Variants in ADARB2 observed in about 807,000 individuals in gnomAD.
ADARB2 encodes the protein inactive double-stranded RNA-specific editase B2.
In ADARB2, 25 loss-of-function variants were observed where a neutral mutation model predicts 62.2. The observed-to-expected ratio is 0.40, with a 90% CI of 0.29 to 0.56. ADARB2 has a LOEUF of 0.56. Ranked by LOEUF, ADARB2 falls within the 20% of genes least tolerant of loss-of-function variation. The pLI is 0.43. For synonymous variants in ADARB2, 572 were observed against 500.8 expected, an observed-to-expected ratio of 1.14 and a Z score of -1.90; for missense variants, 1,071 against 1,077.4, an observed-to-expected ratio of 0.99 and a Z score of 0.08.
intron 3 of ADARB2, among the ~76,000 whole-genome samples, chr10:1,358,662 T>C (rs1011333080): frequency 2.2e-4 from 30 of 136,444 alleles, no homozygotes; most frequent in Non-Finnish European, 4.6e-4. Context: ...CAAAGATTCT[T>C]TTAACATTTG....
intron 1 of ADARB2, among the ~76,000 whole-genome samples, chr10:1,650,323 G>A (rs955323071): frequency 6.6e-6 from 1 of 152,150 alleles, no homozygotes; most frequent in Admixed American, 6.5e-5. Context: ...GGTTTGCAAG[G>A]GGAGCCTCCT....
chr10:1,719,064 A>G (rs1835057073), intron 1 of ADARB2, among the ~76,000 whole-genome samples: 1 of 152,032 alleles, frequency 6.6e-6, no homozygotes, highest in Non-Finnish European at 1.5e-5. Flanking sequence ...AGGTTCAAGC[A>G]ATTCTCCCAC....
At chr10:1,417,924 A>G (rs953210610) in intron 1 of ADARB2, among the ~76,000 whole-genome samples, 12 of 152,220 alleles carry the variant, frequency 7.9e-5, no homozygotes, top group African/African-American at 2.9e-4. Context: ...GCATGGGGAA[A>G]ATGGCGGACA....
intron 3 of ADARB2, among the ~76,000 whole-genome samples, chr10:1,287,801 T>G (rs977000742): frequency 1.9e-4 from 29 of 152,186 alleles, no homozygotes; most frequent in African/African-American, 7.0e-4. Context: ...CATTCAAAGG[T>G]TAAGTTAGTG....
intron 1 of ADARB2, among the ~76,000 whole-genome samples, chr10:1,638,027 G>C (rs985600088): frequency 7.2e-5 from 11 of 152,194 alleles, no homozygotes; most frequent in African/African-American, 2.4e-4. Context: ...GTCTTGGGTG[G>C]CTGGGAGGAG....
intron 1 of ADARB2, among the ~76,000 whole-genome samples, chr10:1,638,497 T>A (rs1466397655): frequency 7.4e-6 from 1 of 135,570 alleles, no homozygotes; most frequent in Non-Finnish European, 1.7e-5. Context: ...ATTGTTCCAC[T>A]TTCATGAGGT....
chr10:1,658,948 A>AT (rs895706136), intron 1 of ADARB2, among the ~76,000 whole-genome samples: 6 of 152,138 alleles, frequency 3.9e-5, no homozygotes, highest in South Asian at 2.1e-4. Flanking sequence ...TCTGAGATTG[A>AT]TTTTTTCCCA....
intron 6 of ADARB2, among the ~76,000 whole-genome samples, chr10:1,218,962 A>G (rs1830657327): frequency 6.7e-6 from 1 of 150,272 alleles, no homozygotes; most frequent in Non-Finnish European, 1.5e-5. Flanking sequence ...AGGCAGGAGA[A>G]TGGCCTGAAC....
At chr10:1,303,659 A>T (rs1831596649) in intron 3 of ADARB2, among the ~76,000 whole-genome samples, 1 of 152,130 alleles carries the variant, frequency 6.6e-6, no homozygotes, top group African/African-American at 2.4e-5. Flanking sequence ...AGGGAAGCCC[A>T]TCAGACTAAC....
intron 8 of ADARB2, among the ~76,000 whole-genome samples, chr10:1,188,808 G>A (rs753608385): frequency 6.6e-6 from 1 of 152,206 alleles, no homozygotes; most frequent in Non-Finnish European, 1.5e-5. Context: ...GCTCATGTCA[G>A]TCTCACTATT....
At chr10:1,292,603 C>A (rs1261478685) in intron 3 of ADARB2, 1 of 152,192 alleles carries the variant, frequency 6.6e-6, no homozygotes, top group African/African-American at 2.4e-5. Context: ...AGTTCTGTCG[C>A]CATGAAATCT....
chr10:1,553,248 G>A (rs1832653985), intron 1 of ADARB2, among the ~76,000 whole-genome samples: 1 of 152,242 alleles, frequency 6.6e-6, no homozygotes, highest in Non-Finnish European at 1.5e-5. Flanking sequence ...ATTGACATCT[G>A]TAAGTCATAA....
At chr10:1,435,068 C>T (rs1269275676) in intron 1 of ADARB2, among the ~76,000 whole-genome samples, 2 of 152,212 alleles carry the variant, frequency 1.3e-5, no homozygotes, top group African/African-American at 2.4e-5. Flanking sequence ...AAGCACAGCA[C>T]GGACCTGGGT....
At chr10:1,568,461 G>A (rs1832886706) in intron 1 of ADARB2, among the ~76,000 whole-genome samples, 1 of 152,118 alleles carries the variant, frequency 6.6e-6, no homozygotes, top group Admixed American at 6.5e-5. Context: ...CTGCCCACGT[G>A]AACCCAGAAG....
At chr10:1,294,609 C>T (rs1054704889) in intron 3 of ADARB2, among the ~76,000 whole-genome samples, 3 of 152,178 alleles carry the variant, frequency 2.0e-5, no homozygotes, top group African/African-American at 7.2e-5. Flanking sequence ...ATGACTGTCT[C>T]GCTTCCCCCA....
chr10:1,607,838 G>T (rs557779426), intron 1 of ADARB2, among the ~76,000 whole-genome samples: 1 of 152,354 alleles, frequency 6.6e-6, no homozygotes, highest in Non-Finnish European at 1.5e-5. Flanking sequence ...TGGGCTTAGG[G>T]CATGGTCCTC....
intron 6 of ADARB2, among the ~76,000 whole-genome samples, chr10:1,223,207 GCTCT>G (rs1272882496): frequency 2.6e-5 from 4 of 151,880 alleles, no homozygotes; most frequent in South Asian, 2.1e-4. Flanking sequence ...TCATGATTTG[GCTCT>G]CTGTTTGTCT....
intron 1 of ADARB2, among the ~76,000 whole-genome samples, chr10:1,640,937 C>T (rs1308292326): frequency 6.6e-6 from 1 of 152,158 alleles, no homozygotes; most frequent in Non-Finnish European, 1.5e-5. Flanking sequence ...TGTGGTCTCA[C>T]TTGGCTACAA....
At chr10:1,610,495 G>C (rs771767817) in intron 1 of ADARB2, among the ~76,000 whole-genome samples, 1 of 152,194 alleles carries the variant, frequency 6.6e-6, no homozygotes, top group Non-Finnish European at 1.5e-5. Context: ...AGAAAGAAAA[G>C]CACTAGGCAC....
Sources: gnomAD v4.1 joint callset for allele counts (sites outside exome capture counted in the v4.1 genomes callset) on GRCh38, gnomAD v4.1.1 for gene constraint, MANE v1.5 for transcripts, NCBI Gene and HGNC (gene_info 2026-07-23, HGNC 2026-07-21) for gene names.